The following FSHR variants were observed in gnomAD, a reference collection of about 807,000 sequenced individuals.
FSHR encodes follicle stimulating hormone receptor, also known as follicle-stimulating hormone receptor.
FSHR carries 46 observed loss-of-function variants against 52.1 expected under a neutral mutation model. That is an observed-to-expected ratio of 0.88 (90% confidence interval 0.70 to 1.13). The LOEUF is 1.13. Ranked by LOEUF, FSHR falls within the 50% of genes most tolerant of loss-of-function variation. The pLI is 0.00. For synonymous variants in FSHR, 399 were observed against 309.6 expected (o/e 1.29, Z -3.03); for missense variants, 964 against 834.6 (o/e 1.16, Z -1.91).
intron 1 of FSHR, among the ~76,000 whole-genome samples, chr2:49,100,644 C>A (rs975949397): frequency 6.6e-6 from 1 of 152,174 alleles, no homozygotes; most frequent in African/African-American, 2.4e-5. Context: ...AAAAGTGGAG[C>A]AGAGAGAGGG....
At chr2:49,060,236 G>A (rs960871655) in intron 2 of FSHR, among the ~76,000 whole-genome samples, 1 of 152,042 alleles carries the variant, frequency 6.6e-6, no homozygotes, top group African/African-American at 2.4e-5. Context: ...CATATTGTTC[G>A]TGGGACTATA....
intron 2 of FSHR, among the ~76,000 whole-genome samples, chr2:49,058,598 G>C (rs1056464553): frequency 3.9e-5 from 6 of 151,920 alleles, no homozygotes; most frequent in African/African-American, 1.4e-4. Flanking sequence ...AACAAATTCA[G>C]TAAAGTTGAA....
intron 4 of FSHR, among the ~76,000 whole-genome samples, chr2:49,003,982 A>T (rs1666996145): frequency 6.6e-6 from 1 of 152,174 alleles, no homozygotes; most frequent in South Asian, 2.1e-4. Flanking sequence ...ATACCTTTTA[A>T]ACCTCCCAAT....
chr2:49,088,512 T>G (rs966882295), intron 1 of FSHR, among the ~76,000 whole-genome samples: 1 of 152,194 alleles, frequency 6.6e-6, no homozygotes, highest in Non-Finnish European at 1.5e-5. Context: ...TGCCCTTACT[T>G]TTGCTCTGTC....
chr2:49,139,346 T>C (rs1672593928), intron 1 of FSHR, among the ~76,000 whole-genome samples: 1 of 152,156 alleles, frequency 6.6e-6, no homozygotes, highest in African/African-American at 2.4e-5. Flanking sequence ...GAGAGTTTCC[T>C]GAAGTGTGGA....
At chr2:49,021,259 A>T (rs1667685451) in intron 2 of FSHR, among the ~76,000 whole-genome samples, 1 of 152,150 alleles carries the variant, frequency 6.6e-6, no homozygotes, top group African/African-American at 2.4e-5. Flanking sequence ...TCCCAGAGTA[A>T]TTTGAGGGCA....
chr2:49,031,193 G>T (rs1169195280), intron 2 of FSHR, among the ~76,000 whole-genome samples: 1 of 152,134 alleles, frequency 6.6e-6, no homozygotes, highest in Non-Finnish European at 1.5e-5. Context: ...TACTGGCTCT[G>T]TGCGGAGGGA....
At chr2:49,066,174 G>C (rs1362758044) in intron 2 of FSHR, among the ~76,000 whole-genome samples, 1 of 152,098 alleles carries the variant, frequency 6.6e-6, no homozygotes, top group African/African-American at 2.4e-5. Context: ...AGAGAAGAAG[G>C]GAGCAGAATA....
intron 2 of FSHR, among the ~76,000 whole-genome samples, chr2:49,054,673 G>A (rs1030850761): frequency 6.6e-6 from 1 of 152,068 alleles, no homozygotes; most frequent in African/African-American, 2.4e-5. Context: ...ATGTACCTGT[G>A]ACCTGACAGA....
chr2:48,982,659 T>C (rs1675304118), intron 8 of FSHR, among the ~76,000 whole-genome samples: 1 of 152,226 alleles, frequency 6.6e-6, no homozygotes, highest in African/African-American at 2.4e-5. Context: ...AGAAAATGCA[T>C]CTTAACTTCT....
intron 1 of FSHR, among the ~76,000 whole-genome samples, chr2:49,082,627 A>G (rs1445670319): frequency 1.3e-5 from 2 of 152,192 alleles, no homozygotes; most frequent in East Asian, 3.9e-4. Flanking sequence ...ATAACTAGAT[A>G]ACCAATACAG....
At chr2:48,986,293 G>A (rs1042053939) in intron 6 of FSHR, among the ~76,000 whole-genome samples, 1 of 151,952 alleles carries the variant, frequency 6.6e-6, no homozygotes, top group African/African-American at 2.4e-5. Flanking sequence ...TGCTGCAAAG[G>A]GCATGATCTT....
intron 2 of FSHR, among the ~76,000 whole-genome samples, chr2:49,032,393 T>G (rs1470755814): frequency 1.3e-5 from 2 of 152,192 alleles, no homozygotes; most frequent in African/African-American, 4.8e-5. Context: ...TTTATTTAGT[T>G]GGAGGGAGCA....
At chr2:49,094,201 T>C (rs571699638) in intron 1 of FSHR, among the ~76,000 whole-genome samples, 1 of 152,190 alleles carries the variant, frequency 6.6e-6, no homozygotes, top group Non-Finnish European at 1.5e-5. Context: ...TTAGAATTAA[T>C]ATTTTATTAC....
chr2:49,148,911 T>C (rs776857829), intron 1 of FSHR, among the ~76,000 whole-genome samples: 17 of 151,994 alleles, frequency 1.1e-4, no homozygotes, highest in Non-Finnish European at 2.5e-4. Context: ...AATCACAACA[T>C]GGTGGCAGTG....
At chr2:49,033,986 T>C (rs1668192057) in intron 2 of FSHR, among the ~76,000 whole-genome samples, 1 of 152,110 alleles carries the variant, frequency 6.6e-6, no homozygotes, top group Non-Finnish European at 1.5e-5. Context: ...AAGGAAAAGA[T>C]GAAGTGAGGT....
At chr2:49,088,026 T>G (rs1407639605) in intron 1 of FSHR, among the ~76,000 whole-genome samples, 1 of 152,200 alleles carries the variant, frequency 6.6e-6, no homozygotes, top group Non-Finnish European at 1.5e-5. Context: ...CAAAATCATC[T>G]TGTGAAATAG....
At chr2:48,997,133 C>T in intron 4 of FSHR, 1 of 744,832 alleles carries the variant, frequency 1.3e-6, no homozygotes. Context: ...ACCCTGGGTT[C>T]CAGTGGTCTC....
chr2:48,992,901 C>T (rs1027212890), intron 4 of FSHR, among the ~76,000 whole-genome samples: 1 of 152,154 alleles, frequency 6.6e-6, no homozygotes, highest in African/African-American at 2.4e-5. Context: ...CTGTGACTGT[C>T]ATGCCAAAGT....
Sources: allele counts gnomAD v4.1 joint callset (sites outside exome capture counted in the v4.1 genomes callset), GRCh38; gene constraint gnomAD v4.1.1; transcripts MANE v1.5; gene names NCBI Gene and HGNC (gene_info 2026-07-23, HGNC 2026-07-21).